The following C16orf74 variants were observed in gnomAD, a reference collection of about 807,000 sequenced individuals.
C16orf74 encodes the protein calcimembrin, also known as uncharacterized protein C16orf74.
In C16orf74, 10 loss-of-function variants were observed where a neutral mutation model predicts 6.5. The ratio of observed to expected loss-of-function variants is 1.54; its 90% CI spans 0.95 to 2.61. The LOEUF is 2.61. C16orf74 is among the 30% of genes most tolerant of loss of function. The probability of loss-of-function intolerance (pLI) is 0.00; values close to 1 mark genes in which losing one functional copy is unlikely to be tolerated. For synonymous variants in C16orf74, 60 were observed against 42.5 expected (o/e 1.41, Z -1.60); for missense variants, 141 against 105.9 (o/e 1.33, Z -1.45).
At chr16:85,748,413 C>T (rs4843674) in intron 1 of C16orf74, among the ~76,000 whole-genome samples, 8,657 of 151,964 alleles carry the variant, frequency 0.057, 465 homozygotes, top group Admixed American at 0.17. Flanking sequence ...GCCTGACCAA[C>T]AGGGCGAAAC....
intron 2 of C16orf74, among the ~76,000 whole-genome samples, chr16:85,725,249 C>A (rs1175294718): frequency 6.6e-6 from 1 of 152,102 alleles, no homozygotes; most frequent in Non-Finnish European, 1.5e-5. Context: ...CTCCTGCCTC[C>A]TGGGCAGAGA....
At chr16:85,731,573 C>T (rs886406004) in intron 2 of C16orf74, among the ~76,000 whole-genome samples, 1 of 152,116 alleles carries the variant, frequency 6.6e-6, no homozygotes, top group Non-Finnish European at 1.5e-5. Context: ...GTGTTGAGGC[C>T]CCAGGGAGTG....
At chr16:85,721,071 A>G (rs1457261015) in intron 2 of C16orf74, among the ~76,000 whole-genome samples, 2 of 152,190 alleles carry the variant, frequency 1.3e-5, no homozygotes, top group South Asian at 2.1e-4. Context: ...AGCCTAGGCA[A>G]TAAGAGCAAA....
chr16:85,741,400 G>GGGAGGGAA (rs1356889417), intron 1 of C16orf74, among the ~76,000 whole-genome samples: 2 of 152,174 alleles, frequency 1.3e-5, no homozygotes, highest in Admixed American at 1.3e-4. Flanking sequence ...AAGGAAGGCA[G>GGGAGGGAA]GGAGGGAAGG....
chr16:85,710,031 A>G (rs2053952547), intron 3 of C16orf74, 133 bp downstream of exon 3: 2 of 717,332 alleles, frequency 2.8e-6, no homozygotes, highest in East Asian at 3.4e-5. Flanking sequence ...AGGTCTGACC[A>G]TAAATGTTTA....
intron 2 of C16orf74, among the ~76,000 whole-genome samples, chr16:85,720,104 G>A (rs143336630): frequency 4.6e-5 from 7 of 151,594 alleles, no homozygotes; most frequent in African/African-American, 1.7e-4. Context: ...TATTATGGAT[G>A]AGGCTGGGGT....
chr16:85,750,320 T>G (rs1370192660), intron 1 of C16orf74, among the ~76,000 whole-genome samples: 1 of 151,854 alleles, frequency 6.6e-6, no homozygotes, highest in Non-Finnish European at 1.5e-5. Context: ...CGCCTATCCC[T>G]GGGGGGAGCT....
At chr16:85,737,949 ATTTT>A (rs1438430052) in intron 1 of C16orf74, among the ~76,000 whole-genome samples, 1 of 142,042 alleles carries the variant, frequency 7.0e-6, no homozygotes, top group African/African-American at 2.6e-5. Context: ...AACATTATGA[ATTTT>A]TTTTGTGATT....
intron 2 of C16orf74, among the ~76,000 whole-genome samples, chr16:85,734,929 T>G (rs909336709): frequency 1.5e-4 from 23 of 152,144 alleles, no homozygotes; most frequent in African/African-American, 5.5e-4. Flanking sequence ...AGCCTGGGAT[T>G]AGGCACCCTG....
intron 2 of C16orf74, among the ~76,000 whole-genome samples, chr16:85,726,843 T>C (rs568123169): frequency 6.6e-6 from 1 of 152,250 alleles, no homozygotes; most frequent in African/African-American, 2.4e-5. Context: ...TCCTCCACCA[T>C]GCACGCCAGG....
chr16:85,740,895 G>A (rs573482078), intron 1 of C16orf74, among the ~76,000 whole-genome samples: 1 of 149,030 alleles, frequency 6.7e-6, no homozygotes, highest in Non-Finnish European at 1.5e-5. Context: ...CATCATTTCC[G>A]TAACTTAACT....
chr16:85,711,905 T>C (rs1262324105), intron 2 of C16orf74, among the ~76,000 whole-genome samples: 3 of 152,210 alleles, frequency 2.0e-5, no homozygotes, highest in Non-Finnish European at 2.9e-5. Flanking sequence ...GTGGGGGTTC[T>C]GAAATATGGC....
intron 2 of C16orf74, among the ~76,000 whole-genome samples, chr16:85,725,113 G>A (rs1483147761): frequency 4.6e-5 from 7 of 152,188 alleles, no homozygotes; most frequent in African/African-American, 1.2e-4. Flanking sequence ...AGGGGTGCCC[G>A]CTCTGCCCTG....
Position 85,707,898 on chromosome 16 carries a change from C to T in C16orf74, c.*110G>A. On this transcript the variant is annotated 3_prime_UTR_variant, in exon 4 of 4. Coordinates refer to ENST00000284245, the MANE Select transcript of C16orf74 (RefSeq NM_206967.3). ...CTCTGAGCGGAGGCCCGGGTTCGCT[C>T]AGTTCCCATCCAGGGTATTCAGCAC... The T allele has an allele frequency of 1.1e-6, 1 of 913,684 alleles. No individual in the cohort carries two copies. Among genetic ancestry groups the T allele is most frequent in the Non-Finnish European group, 1.7e-6 (1 of 591,228 alleles). The allele number at this position is 913,684 out of a possible 1,614,324, so 56.6% of individuals were successfully genotyped here.
chr16:85,726,732 C>T (rs1005150793), intron 2 of C16orf74, among the ~76,000 whole-genome samples: 1 of 152,184 alleles, frequency 6.6e-6, no homozygotes, highest in African/African-American at 2.4e-5. Flanking sequence ...TCTCACCCTC[C>T]CATTTCACAG....
intron 1 of C16orf74, among the ~76,000 whole-genome samples, chr16:85,738,135 C>T (rs1399021744): frequency 5.9e-5 from 9 of 151,718 alleles, no homozygotes; most frequent in Non-Finnish European, 5.9e-5. Context: ...GTCCCAGCTA[C>T]TCAGGAGGCT....
chr16:85,748,118 A>G (rs865828111), intron 1 of C16orf74, among the ~76,000 whole-genome samples: 113 of 75,958 alleles, frequency 1.5e-3, no homozygotes, highest in Middle Eastern at 0.011. Flanking sequence ...ATATATATAT[A>G]TGTGTGTGTG....
At chr16:85,750,252 G>A (rs563399387) in intron 1 of C16orf74, among the ~76,000 whole-genome samples, 1 of 152,160 alleles carries the variant, frequency 6.6e-6, no homozygotes, top group Non-Finnish European at 1.5e-5. Flanking sequence ...ATTCCATCTG[G>A]GCCCCGCAGC....
chr16:85,729,120 C>T (rs549411449), intron 2 of C16orf74, among the ~76,000 whole-genome samples: 71 of 152,262 alleles, frequency 4.7e-4, no homozygotes, highest in African/African-American at 1.6e-3. Context: ...ACCAAGGAGA[C>T]GACTCCCCCT....
Sources: allele counts gnomAD v4.1 joint callset (sites outside exome capture counted in the v4.1 genomes callset), GRCh38; gene constraint gnomAD v4.1.1; transcripts MANE v1.5; gene names NCBI Gene and HGNC (gene_info 2026-07-23, HGNC 2026-07-21).